Variants in RABGGTB observed in about 807,000 individuals in gnomAD.
The protein encoded by RABGGTB is Rab geranylgeranyltransferase subunit beta, also known as geranylgeranyl transferase type-2 subunit beta.
In RABGGTB, 20 loss-of-function variants were observed where a neutral mutation model predicts 44.5. The observed-to-expected ratio is 0.45, with a 90% CI of 0.32 to 0.65. RABGGTB has a LOEUF of 0.65. Ranked by LOEUF, RABGGTB falls within the 30% of genes least tolerant of loss-of-function variation. The pLI is 0.05. For synonymous variants in RABGGTB, 128 were observed against 136.7 expected (o/e 0.94, Z 0.44); for missense variants, 302 against 398.7 (o/e 0.76, Z 2.06).
At chr1:75,791,183 G>A in intron 4 of RABGGTB, 102 bp from the exon 5 acceptor site, 1 of 1,025,682 alleles carries the variant, frequency 9.7e-7, no homozygotes, top group Non-Finnish European at 1.5e-6. Context: ...TGAAAGTTAA[G>A]CTTGAACTCA....
At chr1:75,794,287 T>A in intron 8 of RABGGTB, 54 bp downstream of exon 8, 1 of 1,541,904 alleles carries the variant, frequency 6.5e-7, no homozygotes. Context: ...TTGCATTACT[T>A]CATGGTTCCA....
intron 1 of RABGGTB, chr1:75,787,212 A>G (rs1274534721): frequency 1.6e-6 from 1 of 636,002 alleles, no homozygotes; most frequent in African/African-American, 1.8e-5. Context: ...TTTGTTGGAT[A>G]CAATTTGTTG....
At chr1:75,789,689 G>C in intron 3 of RABGGTB, 2 of 572,756 alleles carry the variant, frequency 3.5e-6, no homozygotes, top group Non-Finnish European at 6.2e-6. Flanking sequence ...GGGAAGATCA[G>C]GACTTTGTGT....
chr1:75,788,976 T>G, intron 2 of RABGGTB, 183 bp from the exon 3 acceptor site: 2 of 590,084 alleles, frequency 3.4e-6, no homozygotes, highest in East Asian at 5.6e-5. Context: ...CTGATAATAG[T>G]TGTGTCTGAA....
chr1:75,791,790 G>C (rs963547568), intron 6 of RABGGTB: 4 of 497,398 alleles, frequency 8.0e-6, no homozygotes, highest in African/African-American at 5.9e-5. Context: ...GCAAACATAA[G>C]TGGGTTTATA....
At chr1:75,789,434 G>T in intron 3 of RABGGTB, 78 bp downstream of exon 3, 1 of 1,457,012 alleles carries the variant, frequency 6.9e-7, no homozygotes, top group Non-Finnish European at 9.6e-7. Context: ...ACTGTATCAG[G>T]ATTTGGTCAA....
intron 3 of RABGGTB, 199 bp from the exon 4 acceptor site, chr1:75,789,753 G>A: frequency 3.5e-6 from 2 of 575,978 alleles, no homozygotes; most frequent in Admixed American, 6.6e-5. Context: ...AAATTTATAT[G>A]TAGAAAATTA....
intron 7 of RABGGTB, chr1:75,793,366 G>A (rs1234113623): frequency 6.6e-6 from 1 of 152,210 alleles, no homozygotes; most frequent in Non-Finnish European, 1.5e-5. Flanking sequence ...CAAAGTGCTG[G>A]GATTACAGGC....
intron 1 of RABGGTB, 55 bp downstream of exon 1, chr1:75,786,329 G>A: frequency 1.9e-6 from 3 of 1,604,232 alleles, no homozygotes; most frequent in South Asian, 1.1e-5. Context: ...ACAGGGTGGA[G>A]TAGGGTTAAG....
At position 75,794,590 on chromosome 1, in the gene RABGGTB, C is replaced by A. The variant is rs773551265; in HGVS notation, c.936C>A (p.Val312=). ...AACAGATTAAACCTGTTAATCCTGTCTTTTGCATGCCTGAAGAAGTGCTTC... is the reference window on the plus strand; with the variant it reads ...AACAGATTAAACCTGTTAATCCTGTATTTTGCATGCCTGAAGAAGTGCTTC... The part of the protein sequence containing the change: ...GEEQIKPVNP[V]FCMPEEVLQR... Residue 312 remains valine, a synonymous_variant, in exon 9 of 9, where the codon GTC becomes GTA. Transcript: ENST00000319942. The A allele has an allele frequency of 3.1e-6, 5 of 1,613,064 alleles. No homozygotes were observed. The highest frequency in any genetic ancestry group is 4.2e-6 in the Non-Finnish European group (5 of 1,179,432).
chr1:75,789,345 A>C lies in RABGGTB; in HGVS notation c.298A>C (p.Ser100Arg). 1 of 1,613,582 alleles carries C rather than the reference A, an allele frequency of 6.2e-7. No homozygotes were observed. The highest frequency in any genetic ancestry group is 8.5e-7 in the Non-Finnish European group (1 of 1,179,518). Residue 100 changes from serine (S) to arginine (R), a missense_variant, in exon 3 of 9, where the codon AGT becomes CGT. Ser to Arg is a moderately radical substitution (Grantham distance 110, BLOSUM62 -1). This residue lies in a region of RABGGTB where 213 missense variants were observed against 323.7 expected (regional missense o/e 0.66). Coordinates refer to ENST00000319942, the MANE Select transcript of RABGGTB (RefSeq NM_004582.4). ...GHDPHLLYTLSAVQILTLYDS... is the reference protein window; with the variant it reads ...GHDPHLLYTLRAVQILTLYDS... ...TGATCCTCATCTTTTATACACTCTT[A>C]GTGCTGTCCAGGTAAATACTAATCA...
At chr1:75,793,091 C>T (rs1024373582) in intron 7 of RABGGTB, among the ~76,000 whole-genome samples, 2 of 152,148 alleles carry the variant, frequency 1.3e-5, no homozygotes, top group East Asian at 1.9e-4. Flanking sequence ...GGATTGTAGG[C>T]GTGAGCCACC....
chr1:75,789,823 T>C (rs1557480681), intron 3 of RABGGTB, 129 bp from the exon 4 acceptor site: 1 of 662,808 alleles, frequency 1.5e-6, no homozygotes, highest in Non-Finnish European at 2.6e-6. Context: ...CAGGAGAGTC[T>C]GCATATTTGA....
chr1:75,793,883 A>G (rs924699425), intron 7 of RABGGTB: 4 of 498,558 alleles, frequency 8.0e-6, no homozygotes, highest in African/African-American at 5.8e-5. Flanking sequence ...GTCTCTTCTT[A>G]CCCATTAATT....
chr1:75,792,098 A>C, intron 6 of RABGGTB, 83 bp from the exon 7 acceptor site: 1 of 1,204,884 alleles, frequency 8.3e-7, no homozygotes, highest in Non-Finnish European at 1.2e-6. Context: ...TAAGATATAA[A>C]GTGGTGTTTT....
chr1:75,787,710 A>C lies in RABGGTB; in HGVS notation c.111+106A>C, dbSNP rs374947966. On this transcript the variant is annotated intron_variant, in intron 2 of 8. Transcript: ENST00000319942. ...TAAAATGGCATCCAACTCCATGCAG[A>C]GAACTGAGGATGTGCTGTGCCTTTG... The C allele has an allele frequency of 4.6e-6, 4 of 872,482 alleles. No homozygotes were observed. The African/African-American group carries it at 6.7e-5, about 15-fold the overall frequency. The allele number at this position is 872,482 out of a possible 1,614,324, so 54.0% of individuals were successfully genotyped here. A position where few individuals can be genotyped will look rare whatever the true frequency, so the allele number is the denominator to read the frequency against.
At chr1:75,789,425 CTG>C (rs532267835) in intron 3 of RABGGTB, 69 bp downstream of exon 3, 8 of 1,495,042 alleles carry the variant, frequency 5.4e-6, no homozygotes, top group South Asian at 2.3e-5. Flanking sequence ...GAAATTGAAA[CTG>C]TATCAGGATT....
intron 1 of RABGGTB, chr1:75,787,072 G>C (rs1649509812): frequency 1.2e-5 from 6 of 520,122 alleles, no homozygotes; most frequent in South Asian, 8.5e-5. Context: ...TAATTTTTTG[G>C]GTCAATGATG....
chr1:75,786,241 C>T (rs777200001), upstream of RABGGTB: 3 of 1,614,058 alleles, frequency 1.9e-6, no homozygotes, highest in East Asian at 2.2e-5. Context: ...TACCCAGGAA[C>T]TGACCCTGCT....
Sources: allele counts gnomAD v4.1 joint callset (sites outside exome capture counted in the v4.1 genomes callset), GRCh38; gene constraint gnomAD v4.1.1; regional missense constraint gnomAD v4.1.1; transcripts MANE v1.5; gene names NCBI Gene and HGNC (gene_info 2026-07-23, HGNC 2026-07-21).